PDE5A: variants seen among roughly 807,000 people sequenced by gnomAD.
PDE5A encodes the protein cGMP-specific 3',5'-cyclic phosphodiesterase.
In PDE5A, 67 loss-of-function variants were observed where a neutral mutation model predicts 110.2. The ratio of observed to expected loss-of-function variants is 0.61; its 90% CI spans 0.50 to 0.75. The LOEUF (loss-of-function observed/expected upper bound fraction) is 0.75, where lower values mean the gene tolerates loss of function less well. Among genes scored for constraint, PDE5A ranks in the 30% least tolerant of loss-of-function variants. The pLI is 0.00. For missense variants in PDE5A, 862 were observed against 1,045.1 expected (o/e 0.82, Z 2.42); for synonymous variants, 328 against 351.2 (o/e 0.93, Z 0.74).
At chr4:119,538,649 C>A in intron 11 of PDE5A, 1 of 281,698 alleles carries the variant, frequency 3.5e-6, no homozygotes, top group Non-Finnish European at 6.9e-6. Context: ...TTGTTATTAC[C>A]CTAGCCAAAC....
At position 119,521,388 on chromosome 4, in the gene PDE5A, TA is replaced by T. The variant is rs772585127; in HGVS notation, c.1780-329del. The stretch of plus-strand genomic sequence containing the variant: ...CTGGGTAGGTTTTTTTTTTTTTTAA[TA>T]AAAGGTCCATGTGTCCATGTGCCAT... On this transcript the variant is annotated intron_variant, in intron 12 of 20. Coordinates refer to ENST00000354960, the MANE Select transcript of PDE5A (RefSeq NM_001083.4). Among the ~76,000 whole-genome samples the T allele has an allele frequency of 1.0e-3, 151 of 151,202 alleles. 1 individual carries two copies. The highest frequency in any genetic ancestry group is 8.4e-4 in the South Asian group (4 of 4,784).
At chr4:119,594,779 G>A (rs1729098855) in intron 3 of PDE5A, among the ~76,000 whole-genome samples, 1 of 152,174 alleles carries the variant, frequency 6.6e-6, no homozygotes, top group Non-Finnish European at 1.5e-5. Flanking sequence ...CACTGAGAAT[G>A]ACTACTGAGA....
intron 1 of PDE5A, among the ~76,000 whole-genome samples, chr4:119,614,581 T>G (rs1441819737): frequency 3.9e-5 from 6 of 152,170 alleles, no homozygotes; most frequent in African/African-American, 1.4e-4. Context: ...AGTAATCCTG[T>G]GTATGATAAT....
chr4:119,605,852 T>G (rs1729510093), intron 2 of PDE5A, among the ~76,000 whole-genome samples: 1 of 152,206 alleles, frequency 6.6e-6, no homozygotes, highest in South Asian at 2.1e-4. Context: ...ATAAAACAGC[T>G]ATGACTCTCT....
chr4:119,561,782 A>T (rs554594852), intron 6 of PDE5A, among the ~76,000 whole-genome samples: 3 of 152,324 alleles, frequency 2.0e-5, no homozygotes, highest in African/African-American at 7.2e-5. Flanking sequence ...TTCTCATTTG[A>T]TATTAATCAG....
At chr4:119,526,163 T>A (rs1726310522) in intron 11 of PDE5A, among the ~76,000 whole-genome samples, 1 of 152,112 alleles carries the variant, frequency 6.6e-6, no homozygotes, top group African/African-American at 2.4e-5. Flanking sequence ...AAGTGGACAC[T>A]CTAGCTCCAT....
chr4:119,578,930 A>G (rs1467433553), intron 3 of PDE5A, among the ~76,000 whole-genome samples: 1 of 152,226 alleles, frequency 6.6e-6, no homozygotes, highest in Admixed American at 6.5e-5. Context: ...AATTTTTGCA[A>G]TCTACTTATC....
chr4:119,561,155 T>A (rs973970845), intron 6 of PDE5A, among the ~76,000 whole-genome samples: 3 of 152,158 alleles, frequency 2.0e-5, no homozygotes, highest in Non-Finnish European at 4.4e-5. Flanking sequence ...AAAAATTTTT[T>A]AAATCACATT....
rs569827114 is a variant in PDE5A, at chr4:119,578,131, G to T, written c.832-10987C>A. On this transcript the variant is annotated intron_variant, in intron 3 of 20. Transcript: ENST00000354960. Reference sequence around the variant, plus strand: ...AATACCTAGGAATCCAACTTACAAGGGATGTGAAGGACCTCTTCAAGGAGA... The same window carrying T: ...AATACCTAGGAATCCAACTTACAAGTGATGTGAAGGACCTCTTCAAGGAGA... Among the ~76,000 whole-genome samples the T allele has an allele frequency of 7.7e-3, 1,170 of 152,140 alleles. 19 individuals carry two copies. The highest frequency in any genetic ancestry group is 0.027 in the African/African-American group (1,109 of 41,476).
intron 3 of PDE5A, among the ~76,000 whole-genome samples, chr4:119,567,941 T>C (rs918259635): frequency 1.3e-5 from 2 of 151,786 alleles, no homozygotes; most frequent in Non-Finnish European, 3.0e-5. Context: ...TAAGCTATTA[T>C]CCTCTAACTG....
chr4:119,505,826 T>C (rs765624224), intron 17 of PDE5A, 29 bp downstream of exon 17: 13 of 1,304,250 alleles, frequency 1.0e-5, no homozygotes, highest in Non-Finnish European at 1.4e-5. Flanking sequence ...GTAAAAAACT[T>C]CAGCTTTAAA....
At chr4:119,507,316 G>C (rs1725588564) in intron 16 of PDE5A, among the ~76,000 whole-genome samples, 1 of 151,836 alleles carries the variant, frequency 6.6e-6, no homozygotes, top group East Asian at 1.9e-4. Flanking sequence ...ATAATCTTTG[G>C]ACAACATGGC....
Position 119,627,398 on chromosome 4 carries a change from G to A in PDE5A, c.152+1122C>T. On this transcript the variant is annotated intron_variant, in intron 1 of 20. Transcript: ENST00000354960. The surrounding 1 kb of genome is among the most constrained non-coding windows in gnomAD (Gnocchi z 4.6). ...GGCAGAGCCGCGGCCGCGCGCCGGC[G>A]AGTGGGACCCGGGCGTCGAACCCGG... is the stretch of plus-strand genomic sequence containing the variant. 1.4e-6 allele frequency: 1 copy of A among 713,280 alleles called. No homozygotes were observed. The highest frequency in any genetic ancestry group is 6.2e-5 in the South Asian group (1 of 16,010). The allele number at this position is 713,280 out of a possible 1,614,324, so 44.2% of individuals were successfully genotyped here.
At chr4:119,600,744 C>T (rs1030734971) in intron 2 of PDE5A, among the ~76,000 whole-genome samples, 1 of 152,136 alleles carries the variant, frequency 6.6e-6, no homozygotes, top group African/African-American at 2.4e-5. Flanking sequence ...GCAAAACTCT[C>T]TCTTACATTA....
intron 10 of PDE5A, 127 bp downstream of exon 10, chr4:119,542,332 A>G (rs1303877565): frequency 1.2e-5 from 9 of 764,836 alleles, no homozygotes; most frequent in Non-Finnish European, 1.1e-5. Flanking sequence ...GGATCTCATC[A>G]TCTAAATCAC....
At position 119,596,583 on chromosome 4, in the gene PDE5A, T is replaced by C; in HGVS notation, c.771A>G (p.Gln257=). 3 of 1,600,986 alleles carry C rather than the reference T, an allele frequency of 1.9e-6. No individual in the cohort carries two copies. Among genetic ancestry groups the C allele is most frequent in the Non-Finnish European group, 2.6e-6 (3 of 1,173,016 alleles). ...TGCTTTGTGTCTTGTAGCCTGTAATTTGGTCAACTTCTGCATTGAACCGAG... is the reference window on the plus strand; with the variant it reads ...TGCTTTGTGTCTTGTAGCCTGTAATCTGGTCAACTTCTGCATTGAACCGAG... ...EDPRFNAEVD[Q]ITGYKTQSIL... The change falls in exon 3 of 21, where the codon CAA becomes CAG. Residue 257 remains glutamine (Q), a synonymous_variant. Coordinates refer to ENST00000354960, the MANE Select transcript of PDE5A (RefSeq NM_001083.4).
intron 3 of PDE5A, among the ~76,000 whole-genome samples, chr4:119,591,691 A>G (rs1032576012): frequency 3.3e-5 from 5 of 152,222 alleles, no homozygotes; most frequent in African/African-American, 7.2e-5. Context: ...TTTTTATATT[A>G]TAACAGCCAC....
chr4:119,519,993 T>G (rs1272393429), intron 13 of PDE5A, among the ~76,000 whole-genome samples: 2 of 152,120 alleles, frequency 1.3e-5, no homozygotes, highest in Non-Finnish European at 2.9e-5. Flanking sequence ...ATTAGGTATA[T>G]TCAACCAGTA....
intron 11 of PDE5A, among the ~76,000 whole-genome samples, chr4:119,531,297 G>C (rs989740250): frequency 2.0e-5 from 3 of 150,522 alleles, no homozygotes; most frequent in Non-Finnish European, 3.0e-5. Context: ...CTTTTTTCTT[G>C]AGACGGAGTC....
Sources: gnomAD v4.1 joint callset for allele counts (sites outside exome capture counted in the v4.1 genomes callset) on GRCh38, gnomAD v4.1.1 for gene constraint, Gnocchi (gnomAD v3.1) non-coding constraint, MANE v1.5 for transcripts, NCBI Gene and HGNC (gene_info 2026-07-23, HGNC 2026-07-21) for gene names.